The following FBXL17 variants were observed in gnomAD, a reference collection of about 807,000 sequenced individuals.
The protein encoded by FBXL17 is F-box and leucine rich repeat protein 17, also known as F-box/LRR-repeat protein 17.
A neutral mutation model predicts 66.2 loss-of-function variants in FBXL17; 22 were observed. The observed-to-expected ratio is 0.33, with a 90% CI of 0.24 to 0.47. FBXL17 has a LOEUF of 0.47. Among genes scored for constraint, FBXL17 ranks in the 20% least tolerant of loss-of-function variants. FBXL17 has a pLI of 1.00. For missense variants in FBXL17, 878 were observed against 948.2 expected (o/e 0.93, Z 0.97); for synonymous variants, 474 against 400.5 (o/e 1.18, Z -2.19).
intron 3 of FBXL17, among the ~76,000 whole-genome samples, chr5:108,349,596 A>C (rs1254617949): frequency 6.6e-6 from 1 of 152,198 alleles, no homozygotes; most frequent in Non-Finnish European, 1.5e-5. Flanking sequence ...TGAAGACAGC[A>C]GTTTGTCTAT....
At chr5:108,370,210 T>C (rs1393069362) in intron 1 of FBXL17, among the ~76,000 whole-genome samples, 2 of 152,210 alleles carry the variant, frequency 1.3e-5, no homozygotes, top group African/African-American at 4.8e-5. Flanking sequence ...TGTTTTGTTT[T>C]TTTTCTCATT....
intron 7 of FBXL17, among the ~76,000 whole-genome samples, chr5:107,946,673 A>C (rs921250461): frequency 6.6e-6 from 1 of 152,008 alleles, no homozygotes; most frequent in Non-Finnish European, 1.5e-5. Context: ...AAGCCCCTGC[A>C]TAATTTTTGG....
At chr5:108,016,591 T>G (rs1352657096) in intron 7 of FBXL17, among the ~76,000 whole-genome samples, 1 of 152,070 alleles carries the variant, frequency 6.6e-6, no homozygotes, top group Admixed American at 6.6e-5. Flanking sequence ...GTGGAGACAC[T>G]AATGGAGATA....
At chr5:108,009,300 T>TATATATACAC (rs1554056634) in intron 7 of FBXL17, among the ~76,000 whole-genome samples, 1 of 63,302 alleles carries the variant, frequency 1.6e-5, no homozygotes, top group Non-Finnish European at 3.0e-5. Flanking sequence ...TATATATATA[T>TATATATACAC]ACATATATAC....
At chr5:108,063,293 G>A (rs1332538419) in intron 6 of FBXL17, among the ~76,000 whole-genome samples, 1 of 152,168 alleles carries the variant, frequency 6.6e-6, no homozygotes, top group Non-Finnish European at 1.5e-5. Context: ...TATTTGGAGT[G>A]CTCCAAGAAA....
intron 4 of FBXL17, among the ~76,000 whole-genome samples, chr5:108,280,893 ATTAAG>A (rs1409788722): frequency 2.6e-5 from 4 of 151,866 alleles, no homozygotes; most frequent in Middle Eastern, 3.2e-3. Context: ...TAAAACAGAC[ATTAAG>A]TTAAAAACAG....
At chr5:108,248,259 A>C (rs1049124461) in intron 4 of FBXL17, among the ~76,000 whole-genome samples, 1 of 152,194 alleles carries the variant, frequency 6.6e-6, no homozygotes, top group Non-Finnish European at 1.5e-5. Flanking sequence ...AGTAGATGAT[A>C]TAAAGAAGAA....
intron 4 of FBXL17, among the ~76,000 whole-genome samples, chr5:108,283,135 A>G (rs968151713): frequency 9.2e-5 from 14 of 151,686 alleles, no homozygotes; most frequent in Non-Finnish European, 1.6e-4. Context: ...CATTTTTTAC[A>G]CAAGTACAAA....
At chr5:107,988,263 A>G (rs899897064) in intron 7 of FBXL17, among the ~76,000 whole-genome samples, 2 of 152,000 alleles carry the variant, frequency 1.3e-5, no homozygotes, top group Admixed American at 6.6e-5. Context: ...GTCTAGCAAG[A>G]TATCTCCTTT....
chr5:108,354,217 G>T (rs1230275390), intron 3 of FBXL17, among the ~76,000 whole-genome samples: 1 of 152,052 alleles, frequency 6.6e-6, no homozygotes, highest in Non-Finnish European at 1.5e-5. Context: ...AATTTCAGGA[G>T]ACTGAAAAAA....
chr5:108,048,895 T>A (rs377432209), intron 6 of FBXL17, among the ~76,000 whole-genome samples: 3 of 152,028 alleles, frequency 2.0e-5, no homozygotes, highest in African/African-American at 4.8e-5. Context: ...CAGTACATTA[T>A]CCAGGAGAAG....
At chr5:108,029,057 C>T (rs1455110454) in intron 6 of FBXL17, among the ~76,000 whole-genome samples, 1 of 152,088 alleles carries the variant, frequency 6.6e-6, no homozygotes, top group African/African-American at 2.4e-5. Flanking sequence ...TTTAAACATT[C>T]ATAACCAGGA....
intron 7 of FBXL17, among the ~76,000 whole-genome samples, chr5:107,957,079 A>T (rs555497406): frequency 9.2e-5 from 14 of 152,298 alleles, no homozygotes; most frequent in South Asian, 2.1e-4. Context: ...ACATGGCTTC[A>T]CTGCTTTACT....
chr5:108,172,370 G>A (rs1752638189), intron 6 of FBXL17, among the ~76,000 whole-genome samples: 1 of 152,104 alleles, frequency 6.6e-6, no homozygotes, highest in Non-Finnish European at 1.5e-5. Context: ...GATATAAGAG[G>A]ATAGAAGGAT....
At chr5:108,029,589 T>A (rs1754956154) in intron 6 of FBXL17, among the ~76,000 whole-genome samples, 1 of 152,150 alleles carries the variant, frequency 6.6e-6, no homozygotes, top group Non-Finnish European at 1.5e-5. Flanking sequence ...TTAAGTTGTT[T>A]TGGTGCACTG....
intron 6 of FBXL17, among the ~76,000 whole-genome samples, chr5:108,073,958 A>G (rs779971112): frequency 2.6e-5 from 4 of 152,166 alleles, no homozygotes; most frequent in Non-Finnish European, 5.9e-5. Flanking sequence ...AGTCTCAGGT[A>G]TTCCTATATA....
chr5:108,295,638 T>C (rs1481439562), intron 4 of FBXL17, among the ~76,000 whole-genome samples: 1 of 151,986 alleles, frequency 6.6e-6, no homozygotes, highest in Non-Finnish European at 1.5e-5. Flanking sequence ...TTCACAACTA[T>C]CAACACACAC....
At chr5:108,070,351 G>C (rs1748280870) in intron 6 of FBXL17, among the ~76,000 whole-genome samples, 1 of 152,094 alleles carries the variant, frequency 6.6e-6, no homozygotes, top group Admixed American at 6.6e-5. Flanking sequence ...ATTTTCAACA[G>C]TTTTTCACTA....
At chr5:108,200,459 T>C (rs2150048228) in intron 5 of FBXL17, among the ~76,000 whole-genome samples, 1 of 152,222 alleles carries the variant, frequency 6.6e-6, no homozygotes, top group East Asian at 1.9e-4. Flanking sequence ...ACAGGAATGA[T>C]TGCCAGAGTA....
Sources: allele counts gnomAD v4.1 joint callset (sites outside exome capture counted in the v4.1 genomes callset), GRCh38; gene constraint gnomAD v4.1.1; transcripts MANE v1.5; gene names NCBI Gene and HGNC (gene_info 2026-07-23, HGNC 2026-07-21).